DCC: variants seen among roughly 807,000 people sequenced by gnomAD.
DCC encodes DCC netrin 1 receptor.
DCC carries 58 observed loss-of-function variants against 172.5 expected under a neutral mutation model. That is an observed-to-expected ratio of 0.34 (90% confidence interval 0.27 to 0.42). The LOEUF (loss-of-function observed/expected upper bound fraction) is 0.42, where lower values mean the gene tolerates loss of function less well. Among genes scored for constraint, DCC ranks in the 10% least tolerant of loss-of-function variants. The pLI is 1.00. For missense variants in DCC, 1,740 were observed against 1,791.0 expected, an observed-to-expected ratio of 0.97 and a Z score of 0.51; for synonymous variants, 709 against 644.5, an observed-to-expected ratio of 1.10 and a Z score of -1.52.
intron 1 of DCC, among the ~76,000 whole-genome samples, chr18:52,411,657 T>A (rs1000718904): frequency 2.2e-4 from 33 of 152,170 alleles, no homozygotes; most frequent in Admixed American, 2.6e-4. Context: ...TACTTAAGAT[T>A]GTGGATCCAG....
intron 1 of DCC, among the ~76,000 whole-genome samples, chr18:52,657,755 C>A (rs2035282731): frequency 6.6e-6 from 1 of 152,108 alleles, no homozygotes; most frequent in Non-Finnish European, 1.5e-5. Context: ...ACTGTGAAAA[C>A]CTCATGGATG....
intron 21 of DCC, among the ~76,000 whole-genome samples, chr18:53,426,869 A>C (rs1191886474): frequency 2.0e-5 from 3 of 152,166 alleles, no homozygotes; most frequent in Non-Finnish European, 2.9e-5. Context: ...TACACAGACT[A>C]GCAGGGCACC....
intron 12 of DCC, among the ~76,000 whole-genome samples, chr18:53,230,031 A>C (rs1444019706): frequency 6.6e-6 from 1 of 152,106 alleles, no homozygotes; most frequent in African/African-American, 2.4e-5. Context: ...TACAAAGATG[A>C]GGCTGTATAA....
chr18:53,515,453 A>G (rs1020985116), intron 27 of DCC, among the ~76,000 whole-genome samples: 5,169 of 150,216 alleles, frequency 0.034, 303 homozygotes, highest in African/African-American at 0.12. Flanking sequence ...GGCCAGGGCA[A>G]TTAGGCAGGA....
intron 12 of DCC, among the ~76,000 whole-genome samples, chr18:53,258,491 G>C (rs1447810419): frequency 6.6e-6 from 1 of 152,014 alleles, no homozygotes; most frequent in Non-Finnish European, 1.5e-5. Flanking sequence ...TTCAGGAGCA[G>C]GTTGTTCAGT....
intron 5 of DCC, among the ~76,000 whole-genome samples, chr18:52,966,137 A>G (rs2040926006): frequency 6.6e-6 from 1 of 152,148 alleles, no homozygotes; most frequent in Non-Finnish European, 1.5e-5. Context: ...AAGCAATCCT[A>G]TCTAACCTTT....
chr18:52,497,552 C>T (rs1008222769), intron 1 of DCC, among the ~76,000 whole-genome samples: 1 of 151,844 alleles, frequency 6.6e-6, no homozygotes, highest in Non-Finnish European at 1.5e-5. Context: ...AACACCTAAA[C>T]TGGAGGATCT....
At chr18:53,448,347 A>C (rs1308565581) in intron 22 of DCC, among the ~76,000 whole-genome samples, 1 of 152,318 alleles carries the variant, frequency 6.6e-6, no homozygotes, top group South Asian at 2.1e-4. Flanking sequence ...CCTTCCTCAC[A>C]TGGAGAAGGA....
At chr18:52,919,707 G>A (rs771986018) in intron 3 of DCC, among the ~76,000 whole-genome samples, 35 of 151,864 alleles carry the variant, frequency 2.3e-4, no homozygotes, top group African/African-American at 8.0e-4. Context: ...TTAAATATTG[G>A]TAAGTAATTT....
At chr18:52,564,878 G>A (rs11877150) in intron 1 of DCC, among the ~76,000 whole-genome samples, 2,339 of 152,184 alleles carry the variant, frequency 0.015, 80 homozygotes, top group African/African-American at 0.054. Flanking sequence ...TGCTTAGGCG[G>A]CCTTACATCA....
intron 1 of DCC, among the ~76,000 whole-genome samples, chr18:52,718,635 G>C (rs761628941): frequency 7.9e-5 from 12 of 152,162 alleles, no homozygotes; most frequent in Admixed American, 3.3e-4. Context: ...TCATCTACTG[G>C]AGGCCAGAGA....
intron 14 of DCC, among the ~76,000 whole-genome samples, chr18:53,335,830 G>A (rs534988541): frequency 1.4e-4 from 22 of 152,214 alleles, no homozygotes; most frequent in African/African-American, 2.4e-4. Context: ...TCACAATCAC[G>A]GCAGAAGGTG....
chr18:52,636,265 A>G (rs1223833903), intron 1 of DCC, among the ~76,000 whole-genome samples: 1 of 152,156 alleles, frequency 6.6e-6, no homozygotes, highest in East Asian at 1.9e-4. Context: ...ACCAGGGGCT[A>G]AAACTACACG....
intron 2 of DCC, among the ~76,000 whole-genome samples, chr18:52,802,163 T>C (rs941123409): frequency 1.3e-5 from 2 of 152,146 alleles, no homozygotes; most frequent in Non-Finnish European, 2.9e-5. Flanking sequence ...TGCTTCTGAA[T>C]CATTTACTTC....
At chr18:53,394,268 T>G (rs917041433) in intron 17 of DCC, among the ~76,000 whole-genome samples, 1 of 152,178 alleles carries the variant, frequency 6.6e-6, no homozygotes, top group Non-Finnish European at 1.5e-5. Context: ...GTAAAAACAA[T>G]GAGATTCTTT....
chr18:52,927,151 A>ATATATACGTG (rs1568192228), intron 5 of DCC, among the ~76,000 whole-genome samples: 1 of 60,270 alleles, frequency 1.7e-5, no homozygotes, highest in African/African-American at 5.4e-5. Context: ...ATATATGTGT[A>ATATATACGTG]TATATACGTA....
At chr18:53,226,932 G>GTATATATATATATA (rs1452126370) in intron 12 of DCC, among the ~76,000 whole-genome samples, 7 of 59,232 alleles carry the variant, frequency 1.2e-4, no homozygotes, top group Non-Finnish European at 2.5e-4. Flanking sequence ...GTGTGTGTGT[G>GTATATATATATATA]TGTATATATA....
rs1004577480 is a variant in DCC, at chr18:52,873,841, C to T, written c.413-32203C>T. On this transcript the variant is annotated intron_variant, in intron 2 of 28. Coordinates refer to ENST00000442544, the MANE Select transcript of DCC (RefSeq NM_005215.4). ...TTTTCCATGAGTAGAATGTGAATAT[C>T]GGCTAATGAGTGATTGTCCCTCAGT... Among the ~76,000 whole-genome samples, 27 of 152,162 alleles carry T rather than the reference C, an allele frequency of 1.8e-4. 1 individual carries two copies. The highest frequency in any genetic ancestry group is 5.6e-4 in the African/African-American group (23 of 41,430).
chr18:52,805,513 G>A (rs1056550935), intron 2 of DCC, among the ~76,000 whole-genome samples: 1 of 152,178 alleles, frequency 6.6e-6, no homozygotes, highest in Non-Finnish European at 1.5e-5. Flanking sequence ...GAGCCAGAGA[G>A]GTAGGATGAG....
Sources: allele counts gnomAD v4.1 joint callset (sites outside exome capture counted in the v4.1 genomes callset), GRCh38; gene constraint gnomAD v4.1.1; transcripts MANE v1.5; gene names NCBI Gene and HGNC (gene_info 2026-07-23, HGNC 2026-07-21).